NTRK2: variants seen among roughly 807,000 people sequenced by gnomAD.
The protein encoded by NTRK2 is BDNF/NT-3 growth factors receptor.
A neutral mutation model predicts 94.5 loss-of-function variants in NTRK2; 13 were observed. The ratio of observed to expected loss-of-function variants is 0.14; its 90% CI spans 0.09 to 0.22. The LOEUF (loss-of-function observed/expected upper bound fraction) is 0.22, where lower values mean the gene tolerates loss of function less well. Among genes scored for constraint, NTRK2 ranks in the 10% least tolerant of loss-of-function variants. The probability of loss-of-function intolerance (pLI) is 1.00; values close to 1 mark genes in which losing one functional copy is unlikely to be tolerated. For missense variants in NTRK2, 639 were observed against 1,071.2 expected (o/e 0.60, Z 5.63); for synonymous variants, 372 against 407.4 (o/e 0.91, Z 1.05).
chr9:84,933,046 A>G (rs1045135274), intron 14 of NTRK2, among the ~76,000 whole-genome samples: 8 of 152,112 alleles, frequency 5.3e-5, no homozygotes, highest in African/African-American at 1.9e-4. Flanking sequence ...CTGTTTTCCT[A>G]CTTGTAAAAT....
intron 17 of NTRK2, among the ~76,000 whole-genome samples, chr9:84,964,088 T>C (rs1285219117): frequency 1.3e-5 from 2 of 152,244 alleles, no homozygotes; most frequent in African/African-American, 2.4e-5. Context: ...CTCCTTATTG[T>C]GGGTCATATT....
rs2071842964 is a variant in NTRK2 at position 84,811,919 on chromosome 9, AC to A, written c.1397-49117del. ...GGTTTGGCTATCCCCACCCCACCCC[AC>A]CCCACCCTGTTCCTTTTTTATCAGG... On this transcript the variant is annotated intron_variant, in intron 12 of 18. Transcript: ENST00000277120. 7 of 408,632 alleles carry A rather than the reference AC, an allele frequency of 1.7e-5. No individual in the cohort carries two copies. The South Asian group carries it at 3.6e-4, about 21-fold the overall frequency. The allele number at this position is 408,632 out of a possible 1,614,324, so 25.3% of individuals were successfully genotyped here.
At chr9:84,725,368 C>T (rs373435484) in intron 8 of NTRK2, among the ~76,000 whole-genome samples, 1 of 152,052 alleles carries the variant, frequency 6.6e-6, no homozygotes, top group African/African-American at 2.4e-5. Flanking sequence ...TCATTTTGAC[C>T]CACTCAGAAG....
Position 85,003,661 on chromosome 9 carries a change from C to G in NTRK2, c.2173-16545C>G, listed in dbSNP as rs148611692. ...ATTGTAAGCAGGGGAGTGATGAGAT[C>G]CAATTTACATTTTGAAAAGAATCCT... is the stretch of plus-strand genomic sequence containing the variant. On this transcript the variant is annotated intron_variant, in intron 17 of 18. Transcript: ENST00000277120. Among the ~76,000 whole-genome samples, 1,252 of 152,040 alleles carry G rather than the reference C, an allele frequency of 8.2e-3. 23 individuals are homozygous for G. Among genetic ancestry groups the G allele is most frequent in the African/African-American group, 0.028 (1,179 of 41,446 alleles).
intron 14 of NTRK2, among the ~76,000 whole-genome samples, chr9:84,910,350 C>G (rs2077203012): frequency 6.6e-6 from 1 of 152,136 alleles, no homozygotes; most frequent in Non-Finnish European, 1.5e-5. Context: ...CTCTTCCCTT[C>G]CCTTGTCTCT....
intron 2 of NTRK2, among the ~76,000 whole-genome samples, chr9:84,701,709 G>A (rs562664765): frequency 2.0e-5 from 3 of 152,326 alleles, no homozygotes; most frequent in Non-Finnish European, 4.4e-5. Flanking sequence ...TAGTATTTTA[G>A]GAGGTAAAGG....
At chr9:84,680,991 G>A (rs755535210) in intron 2 of NTRK2, among the ~76,000 whole-genome samples, 2 of 151,992 alleles carry the variant, frequency 1.3e-5, no homozygotes, top group African/African-American at 2.4e-5. Context: ...TTATTTGTCG[G>A]TTCCCTTTTC....
intron 2 of NTRK2, among the ~76,000 whole-genome samples, chr9:84,691,469 T>C (rs2060044386): frequency 6.6e-6 from 1 of 152,152 alleles, no homozygotes; most frequent in African/African-American, 2.4e-5. Context: ...TGCACATGAT[T>C]TGAAGTTGTC....
chr9:84,849,042 G>T (rs1009063721), intron 12 of NTRK2, among the ~76,000 whole-genome samples: 1 of 152,150 alleles, frequency 6.6e-6, no homozygotes, highest in Non-Finnish European at 1.5e-5. Flanking sequence ...ATACATATTG[G>T]AGTCTTTTTA....
chr9:84,776,112 CCTGT>C (rs1450285087), intron 12 of NTRK2, among the ~76,000 whole-genome samples: 6 of 151,862 alleles, frequency 4.0e-5, no homozygotes. Context: ...ACAGTTGGTA[CCTGT>C]CTATCTATCC....
chr9:84,948,593 C>A lies in NTRK2; in HGVS notation c.1896C>A (p.Val632=). The A allele has an allele frequency of 1.2e-6, 2 of 1,614,104 alleles. No individual in the cohort carries two copies. The highest frequency in any genetic ancestry group is 1.7e-6 in the Non-Finnish European group (2 of 1,180,018). The part of the protein sequence containing the change: ...VCVEGDPLIM[V]FEYMKHGDLN... ...TGGAGGGCGACCCCCTCATCATGGT[C>A]TTTGAGTACATGAAGCATGGGGACC... Residue 632 remains valine, a synonymous_variant, in exon 16 of 19, where the codon GTC becomes GTA. Transcript: ENST00000277120.
intron 4 of NTRK2, among the ~76,000 whole-genome samples, chr9:84,704,315 G>A (rs565910239): frequency 3.7e-5 from 5 of 134,122 alleles, no homozygotes; most frequent in South Asian, 5.0e-4. Context: ...TGCAAGCTCC[G>A]CCTCCTGGGT....
intron 14 of NTRK2, among the ~76,000 whole-genome samples, chr9:84,924,229 TAGAA>T (rs774882842): frequency 0.26 from 30,188 of 115,292 alleles, 3,947 homozygotes; most frequent in Non-Finnish European, 0.28. Flanking sequence ...AGAAAGAAAG[TAGAA>T]AGAAAGAAAG....
chr9:84,939,658 T>G (rs2078336121), intron 15 of NTRK2, among the ~76,000 whole-genome samples: 1 of 152,136 alleles, frequency 6.6e-6, no homozygotes, highest in Non-Finnish European at 1.5e-5. Flanking sequence ...AGCAAAATAT[T>G]ATAATCAGCT....
At chr9:84,886,958 C>T (rs1032003501) in intron 14 of NTRK2, among the ~76,000 whole-genome samples, 1 of 152,106 alleles carries the variant, frequency 6.6e-6, no homozygotes, top group Non-Finnish European at 1.5e-5. Flanking sequence ...AGGAGTAAAA[C>T]CTGGTAAGCA....
chr9:84,797,170 T>C (rs371128041), intron 12 of NTRK2, among the ~76,000 whole-genome samples: 3 of 152,052 alleles, frequency 2.0e-5, no homozygotes, highest in African/African-American at 7.2e-5. Context: ...ATCAGGCAGG[T>C]GGTTGCATTA....
chr9:84,967,286 C>T (rs1004093691), intron 17 of NTRK2, among the ~76,000 whole-genome samples: 2 of 152,234 alleles, frequency 1.3e-5, no homozygotes, highest in Non-Finnish European at 2.9e-5. Context: ...CCCCTCTCCA[C>T]AAGGAGCTGG....
intron 12 of NTRK2, among the ~76,000 whole-genome samples, chr9:84,820,836 G>A (rs1328133122): frequency 6.6e-6 from 1 of 152,168 alleles, no homozygotes; most frequent in East Asian, 1.9e-4. Context: ...GTATAATATT[G>A]ATACTATCAC....
At chr9:84,967,666 C>T (rs546450824) in intron 17 of NTRK2, among the ~76,000 whole-genome samples, 1 of 152,364 alleles carries the variant, frequency 6.6e-6, no homozygotes, top group African/African-American at 2.4e-5. Flanking sequence ...GGCCCACGCC[C>T]TCAGCCCTGG....
Sources: gnomAD v4.1 joint callset for allele counts (sites outside exome capture counted in the v4.1 genomes callset) on GRCh38, gnomAD v4.1.1 for gene constraint, MANE v1.5 for transcripts, NCBI Gene and HGNC (gene_info 2026-07-23, HGNC 2026-07-21) for gene names.